Variants in SEC61A2 observed in about 807,000 individuals in gnomAD.
SEC61A2 encodes protein transport protein Sec61 subunit alpha isoform 2.
SEC61A2 carries 28 observed loss-of-function variants against 59.9 expected under a neutral mutation model. The observed-to-expected ratio is 0.47, with a 90% CI of 0.35 to 0.64. SEC61A2 has a LOEUF of 0.64. Ranked by LOEUF, SEC61A2 falls within the 30% of genes least tolerant of loss-of-function variation. The pLI, the probability that SEC61A2 is intolerant of heterozygous loss-of-function variation, is 0.01. For missense variants in SEC61A2, 340 were observed against 585.9 expected (o/e 0.58, Z 4.33); for synonymous variants, 202 against 214.4 (o/e 0.94, Z 0.50).
chr10:12,157,210 C>A, intron 8 of SEC61A2, 143 bp downstream of exon 8: 1 of 759,618 alleles, frequency 1.3e-6, no homozygotes, highest in Non-Finnish European at 2.1e-6. Context: ...AGTCTCCAGA[C>A]TCTGATTTTA....
In SEC61A2 at chr10:12,136,964, C is replaced by CTG. The variant is rs1833903734; in HGVS notation, c.141+798_141+799dup. On this transcript the variant is annotated intron_variant, in intron 3 of 11. Coordinates refer to ENST00000298428, the MANE Select transcript of SEC61A2 (RefSeq NM_018144.4). ...TATTTTTAGTAGAGATGGGGTTTTG[C>CTG]TGTGTTGTTCAGGCTTATCTCGAAC... Among the ~76,000 whole-genome samples the CTG allele has an allele frequency of 9.9e-5, 15 of 152,238 alleles. No individual in the cohort carries two copies. The South Asian group carries it at 3.1e-3, about 32-fold the overall frequency.
rs865920209 is a variant in SEC61A2, at chr10:12,164,564, C to T, written c.*110C>T. On this transcript the variant is annotated 3_prime_UTR_variant, in exon 12 of 12. Transcript: ENST00000298428. This position sits in a 1 kb window ranked among gnomAD's most constrained non-coding sequence, Gnocchi z 7.3. ...TTTCTCCCCTCACAGTTTCTTGTTT[C>T]GAGTGCTGACTGACCCGTTTCTGAA... The T allele has an allele frequency of 4.7e-5, 70 of 1,493,682 alleles. 3 individuals are homozygous for T. In the Middle Eastern group the frequency reaches 1.8e-3, roughly 38 times the overall value. 92.5% of individuals were successfully genotyped at this position (1,493,682 alleles called of 1,614,324 possible). A position where few individuals can be genotyped will look rare whatever the true frequency, so the allele number is the denominator to read the frequency against.
At chr10:12,134,343 T>C (rs1469888051) in intron 2 of SEC61A2, among the ~76,000 whole-genome samples, 2 of 151,720 alleles carry the variant, frequency 1.3e-5, no homozygotes, top group Non-Finnish European at 2.9e-5. Flanking sequence ...TAAAAATAGT[T>C]GTTCCATTAA....
At chr10:12,134,644 A>G (rs2131644144) in intron 2 of SEC61A2, among the ~76,000 whole-genome samples, 1 of 152,270 alleles carries the variant, frequency 6.6e-6, no homozygotes, top group Non-Finnish European at 1.5e-5. Flanking sequence ...AAAACAATCT[A>G]GGCCCGGCAC....
In SEC61A2 at chr10:12,154,469, G is replaced by A. The variant is rs1016967001; in HGVS notation, c.463-1309G>A. On this transcript the variant is annotated intron_variant, in intron 6 of 11. Transcript: ENST00000298428. The surrounding 1 kb of genome is among the most constrained non-coding windows in gnomAD (Gnocchi z 5.2). ...TGTTCATGGACGGCTGTTGCCTCCT[G>A]CATAGGATGGGTTTCTCTATGATGG... 1.3e-5 allele frequency among the ~76,000 whole-genome samples: 2 copies of A among 152,196 alleles called. No individual in the cohort carries two copies. The highest frequency in any genetic ancestry group is 2.9e-5 in the Non-Finnish European group (2 of 68,032).
intron 4 of SEC61A2, among the ~76,000 whole-genome samples, chr10:12,146,570 T>G (rs1195946798): frequency 6.6e-6 from 1 of 152,006 alleles, no homozygotes; most frequent in East Asian, 1.9e-4. Context: ...CAGGCTGGAG[T>G]GCAGTGGCGC....
In SEC61A2 at chr10:12,153,298, A is replaced by G. The variant is rs538021749; in HGVS notation, c.463-2480A>G. ...GCCTTCAGTTTTGTTTCTTTACAGC[A>G]TTTTCTTTCTGCAATCCAGAGTTTA... On this transcript the variant is annotated intron_variant, in intron 6 of 11. Coordinates refer to ENST00000298428, the MANE Select transcript of SEC61A2 (RefSeq NM_018144.4). This position sits in a 1 kb window ranked among gnomAD's most constrained non-coding sequence, Gnocchi z 5.2. Among the ~76,000 whole-genome samples the G allele has an allele frequency of 7.9e-5, 12 of 152,142 alleles. 1 individual carries two copies. In the South Asian group the frequency reaches 2.3e-3, roughly 29 times the overall value.
chr10:12,140,677 C>T (rs988847164), intron 3 of SEC61A2, among the ~76,000 whole-genome samples: 5 of 152,144 alleles, frequency 3.3e-5, no homozygotes, highest in Non-Finnish European at 5.9e-5. Flanking sequence ...CTCACTGCAA[C>T]CTCCGCCTCC....
chr10:12,152,885 C>G lies in SEC61A2; in HGVS notation c.463-2893C>G, dbSNP rs1181443624. Among the ~76,000 whole-genome samples, 2 of 150,148 alleles carry G rather than the reference C, an allele frequency of 1.3e-5. No individual in the cohort carries two copies. Among genetic ancestry groups the G allele is most frequent in the African/African-American group, 4.9e-5 (2 of 40,752 alleles). On this transcript the variant is annotated intron_variant, in intron 6 of 11. Transcript: ENST00000298428. The surrounding 1 kb of genome is among the most constrained non-coding windows in gnomAD (Gnocchi z 5.5). Reference sequence around the variant, plus strand: ...ACAGAGCGGGACTCCGTCTCAAAAACTAAAACAAAATAAAACGACAAAAAT... The same window carrying G: ...ACAGAGCGGGACTCCGTCTCAAAAAGTAAAACAAAATAAAACGACAAAAAT...
At chr10:12,150,936 A>G (rs1484247667) in intron 6 of SEC61A2, among the ~76,000 whole-genome samples, 1 of 152,042 alleles carries the variant, frequency 6.6e-6, no homozygotes, top group Non-Finnish European at 1.5e-5. Flanking sequence ...CACCACGCCC[A>G]GCTAATTTTT....
rs1834625640 is a variant in SEC61A2 at position 12,164,779 on chromosome 10, A to T, written c.*325A>T. 9.3e-7 allele frequency: 1 copy of T among 1,072,820 alleles called. No individual in the cohort carries two copies. The highest frequency in any genetic ancestry group is 1.1e-6 in the Non-Finnish European group (1 of 886,820). The allele number at this position is 1,072,820 out of a possible 1,614,324, so 66.5% of individuals were successfully genotyped here. On this transcript the variant is annotated 3_prime_UTR_variant, in exon 12 of 12. Transcript: ENST00000298428. The surrounding 1 kb of genome is among the most constrained non-coding windows in gnomAD (Gnocchi z 7.3). Reference sequence around the variant, plus strand: ...TCGTTTTGCACACAACATTCAAAACACTTCATATTGCCCCCACTTGTTGAA... The same window carrying T: ...TCGTTTTGCACACAACATTCAAAACTCTTCATATTGCCCCCACTTGTTGAA...
At chr10:12,169,008 C>G (rs1429550869), downstream of SEC61A2, among the ~76,000 whole-genome samples, 1 of 152,170 alleles carries the variant, frequency 6.6e-6, no homozygotes, top group African/African-American at 2.4e-5. This position sits in a 1 kb window ranked among gnomAD's most constrained non-coding sequence, Gnocchi z 4.8. Flanking sequence ...AGTGATCAGC[C>G]TACCTCGGCC....
At chr10:12,141,003 G>A (rs927173189) in intron 3 of SEC61A2, among the ~76,000 whole-genome samples, 1 of 151,936 alleles carries the variant, frequency 6.6e-6, no homozygotes, top group Non-Finnish European at 1.5e-5. Flanking sequence ...AGGTTCAAGC[G>A]ATTCTCCTAC....
In SEC61A2 at chr10:12,149,750, G is replaced by T; in HGVS notation, c.352+24G>T. 1 of 1,606,650 alleles carries T rather than the reference G, an allele frequency of 6.2e-7. No homozygotes were observed. The highest frequency in any genetic ancestry group is 8.5e-7 in the Non-Finnish European group (1 of 1,176,320). ...ACGTGAGCATTAATGCAATTAAAGA[G>T]CATTCTCCAAATTTGAGAGTGCTCG... On this transcript the variant is annotated intron_variant, in intron 5 of 11. Transcript: ENST00000298428. This position sits in a 1 kb window ranked among gnomAD's most constrained non-coding sequence, Gnocchi z 5.2.
chr10:12,157,165 G>A, intron 8 of SEC61A2, 98 bp downstream of exon 8: 1 of 1,209,848 alleles, frequency 8.3e-7, no homozygotes. Flanking sequence ...ACAAGTCAGG[G>A]TTTAAGATCA....
Position 12,129,691 on chromosome 10 carries a change from A to AGCC in SEC61A2, c.-97_-96insGCC. 8.2e-7 allele frequency: 1 copy of AGCC among 1,223,160 alleles called. No homozygotes were observed. Among genetic ancestry groups the AGCC allele is most frequent in the Non-Finnish European group, 1.1e-6 (1 of 891,500 alleles). The allele number at this position is 1,223,160 out of a possible 1,614,324, so 75.8% of individuals were successfully genotyped here. A position where few individuals can be genotyped will look rare whatever the true frequency, so the allele number is the denominator to read the frequency against. On this transcript the variant is annotated 5_prime_UTR_variant, in exon 1 of 12. Transcript: ENST00000298428. This position sits in a 1 kb window ranked among gnomAD's most constrained non-coding sequence, Gnocchi z 5.6. ...GCGGAGCCTGCGCGGGGCCGGTAGG[A>AGCC]TCGCGTCGGGAGCCGGTACCGAGGC...
In SEC61A2 at chr10:12,129,696, G is replaced by T; in HGVS notation, c.-92G>T. ...GCCTGCGCGGGGCCGGTAGGATCGC[G>T]TCGGGAGCCGGTACCGAGGCCCGAG... On this transcript the variant is annotated 5_prime_UTR_variant, in exon 1 of 12. Transcript: ENST00000298428. The surrounding 1 kb of genome is among the most constrained non-coding windows in gnomAD (Gnocchi z 5.6). 7.8e-7 allele frequency: 1 copy of T among 1,278,896 alleles called. No individual in the cohort carries two copies. Among genetic ancestry groups the T allele is most frequent in the Non-Finnish European group, 1.1e-6 (1 of 941,484 alleles). The allele number at this position is 1,278,896 out of a possible 1,614,324, so 79.2% of individuals were successfully genotyped here.
downstream of SEC61A2, chr10:12,165,638 G>C (rs1054985984): frequency 6.6e-6 from 1 of 152,360 alleles, no homozygotes; most frequent in Non-Finnish European, 1.5e-5. Flanking sequence ...AAAGAGCATA[G>C]ATCTTGGTAA....
intron 6 of SEC61A2, 112 bp downstream of exon 6, chr10:12,150,073 T>G: frequency 1.4e-6 from 1 of 727,672 alleles, no homozygotes; most frequent in Non-Finnish European, 2.2e-6. Context: ...TTTGAATTAT[T>G]TAATTCTAGT....
Sources: allele counts gnomAD v4.1 joint callset (sites outside exome capture counted in the v4.1 genomes callset), GRCh38; gene constraint gnomAD v4.1.1; non-coding constraint Gnocchi (gnomAD v3.1); transcripts MANE v1.5; gene names NCBI Gene and HGNC (gene_info 2026-07-23, HGNC 2026-07-21).